The following SLC43A2 variants were observed in gnomAD, a reference collection of about 807,000 sequenced individuals.
SLC43A2 encodes the protein solute carrier family 43 member 2.
In SLC43A2, 38 loss-of-function variants were observed where a neutral mutation model predicts 63.2. The observed-to-expected ratio is 0.60, with a 90% confidence interval of 0.46 to 0.79. The LOEUF is 0.79. SLC43A2 is among the 30% of genes least tolerant of loss of function. SLC43A2 has a pLI of 0.00. For synonymous variants in SLC43A2, 322 were observed against 331.0 expected (o/e 0.97, Z 0.30); for missense variants, 644 against 756.2 (o/e 0.85, Z 1.74).
At chr17:1,594,590 C>CT (rs59369068) in intron 5 of SLC43A2, among the ~76,000 whole-genome samples, 2 of 105,604 alleles carry the variant, frequency 1.9e-5, no homozygotes, top group South Asian at 3.3e-4. Context: ...TTCTTTCTTT[C>CT]TTTTTTTTTT....
At position 1,583,282 on chromosome 17, in the gene SLC43A2, G is replaced by T; in HGVS notation, c.1272C>A (p.Ala424=). ...RDRQIQKITN[A]MRAFAFTNLL... ...GGTTGGTGAAGGCGAAGGCCCGCAT[G>T]GCATTAGTGATCTTCTGGATCTGCC... The change falls in exon 11 of 14, where the codon GCC becomes GCA. Residue 424 remains alanine (A), a synonymous_variant. Coordinates refer to ENST00000301335, the MANE Select transcript of SLC43A2 (RefSeq NM_152346.3). The surrounding 1 kb of genome is among the most constrained non-coding windows in gnomAD (Gnocchi z 5.5). The T allele has an allele frequency of 6.2e-7, 1 of 1,614,176 alleles. No individual in the cohort carries two copies. Among genetic ancestry groups the T allele is most frequent in the Non-Finnish European group, 8.5e-7 (1 of 1,180,016 alleles).
chr17:1,606,804 C>T lies in SLC43A2; in HGVS notation c.501+6391G>A, dbSNP rs1022363418. ...TGGCGTCCGCCCTCCACGGATGGCA[C>T]GCGATGGCCCAGGCCCTGTGCTGCA... On this transcript the variant is annotated intron_variant, in intron 5 of 13. Transcript: ENST00000301335. This position sits in a 1 kb window ranked among gnomAD's most constrained non-coding sequence, Gnocchi z 4.7. Among the ~76,000 whole-genome samples, 3 of 152,232 alleles carry T rather than the reference C, an allele frequency of 2.0e-5. No individual in the cohort carries two copies. Among genetic ancestry groups the T allele is most frequent in the Admixed American group, 6.5e-5 (1 of 15,290 alleles).
Position 1,575,284 on chromosome 17 carries a change from A to G in SLC43A2, c.*320T>C. The G allele has an allele frequency of 2.2e-6, 1 of 446,260 alleles. No homozygotes were observed. The highest frequency in any genetic ancestry group is 4.1e-6 in the Non-Finnish European group (1 of 244,444). The allele number at this position is 446,260 out of a possible 1,614,324, so 27.6% of individuals were successfully genotyped here. On this transcript the variant is annotated 3_prime_UTR_variant, in exon 14 of 14. Transcript: ENST00000301335. Reference sequence around the variant, plus strand: ...TGCTTTGGCAAGAGGCAGAATCCAGACACTGGCGGGAGAGCGCCTGCCTGC... The same window carrying G: ...TGCTTTGGCAAGAGGCAGAATCCAGGCACTGGCGGGAGAGCGCCTGCCTGC...
At chr17:1,604,634 G>T in intron 5 of SLC43A2, 2 of 1,226,410 alleles carry the variant, frequency 1.6e-6, no homozygotes, top group South Asian at 1.4e-5. Context: ...TCAGCCTCCT[G>T]AGCAGCTGAG....
At chr17:1,628,572 C>A (rs1029857905) in intron 1 of SLC43A2, among the ~76,000 whole-genome samples, 3 of 152,192 alleles carry the variant, frequency 2.0e-5, no homozygotes, top group Non-Finnish European at 4.4e-5. Context: ...AGCCGCGCGA[C>A]CCCCATCTCG....
chr17:1,596,170 A>G (rs1012256673), intron 5 of SLC43A2, among the ~76,000 whole-genome samples: 2 of 151,966 alleles, frequency 1.3e-5, no homozygotes, highest in African/African-American at 4.8e-5. Context: ...AATACAAAAA[A>G]TTAGCCGGGC....
chr17:1,609,391 G>T (rs575105052), intron 5 of SLC43A2, among the ~76,000 whole-genome samples: 2 of 151,962 alleles, frequency 1.3e-5, no homozygotes, highest in Admixed American at 1.3e-4. Context: ...TAGTAGAGAC[G>T]GGGTTTCACC....
chr17:1,627,620 G>T, intron 2 of SLC43A2, 95 bp downstream of exon 2: 1 of 984,060 alleles, frequency 1.0e-6, no homozygotes, highest in Non-Finnish European at 1.4e-6. Context: ...ACTGGGCAAT[G>T]CGGTGCTGTG....
chr17:1,576,865 T>G, intron 12 of SLC43A2, 145 bp from the exon 13 acceptor site: 3 of 332,376 alleles, frequency 9.0e-6, no homozygotes, highest in Non-Finnish European at 1.2e-5. Context: ...GCAGTTCTGT[T>G]TTTTTTTTTT....
Position 1,577,234 on chromosome 17 carries a change from C to A in SLC43A2, c.1425-514G>T, listed in dbSNP as rs2075948189. ...GCCCCAGACTCTGGGGAGGGCCCAC[C>A]CCACTCAGCTGTGCCCAGGGCCTGT... On this transcript the variant is annotated intron_variant, in intron 12 of 13. Coordinates refer to ENST00000301335, the MANE Select transcript of SLC43A2 (RefSeq NM_152346.3). The surrounding 1 kb of genome is among the most constrained non-coding windows in gnomAD (Gnocchi z 4.9). Among the ~76,000 whole-genome samples, 1 of 152,214 alleles carries A rather than the reference C, an allele frequency of 6.6e-6. No individual in the cohort carries two copies.
At position 1,583,461 on chromosome 17, in the gene SLC43A2, C is replaced by T. The variant is rs746578009; in HGVS notation, c.1218-125G>A. The T allele has an allele frequency of 1.1e-5, 16 of 1,499,754 alleles. No individual in the cohort carries two copies. The highest frequency in any genetic ancestry group is 1.4e-5 in the African/African-American group (1 of 72,610). The allele number at this position is 1,499,754 out of a possible 1,614,324, so 92.9% of individuals were successfully genotyped here. Reference sequence around the variant, plus strand: ...GCAAGACTCAGAAGCCACCCAGGCACGTTTTAGGGACTGTGTCGGGGCTGG... The same window carrying T: ...GCAAGACTCAGAAGCCACCCAGGCATGTTTTAGGGACTGTGTCGGGGCTGG... On this transcript the variant is annotated intron_variant, in intron 10 of 13. Transcript: ENST00000301335. This position sits in a 1 kb window ranked among gnomAD's most constrained non-coding sequence, Gnocchi z 5.5.
At chr17:1,591,817 G>A (rs1036261877) in intron 6 of SLC43A2, 118 bp from the exon 7 acceptor site, 10 of 770,754 alleles carry the variant, frequency 1.3e-5, no homozygotes, top group African/African-American at 8.7e-5. Context: ...GCTGAGCCGC[G>A]CAAAGAGGCA....
Position 1,574,325 on chromosome 17 carries a change from A to G in SLC43A2, c.*1279T>C, listed in dbSNP as rs6502793. The G allele has an allele frequency of 0.46, 70,110 of 152,398 alleles. 17,492 individuals carry two copies. The highest frequency in any genetic ancestry group is 0.64 in the African/African-American group (26,693 of 41,452). The allele number at this position is 152,398 out of a possible 1,614,324, so 9.4% of individuals were successfully genotyped here. On this transcript the variant is annotated 3_prime_UTR_variant, in exon 14 of 14. Coordinates refer to ENST00000301335, the MANE Select transcript of SLC43A2 (RefSeq NM_152346.3). ...GGCTGGAGCTGGTCGGTGGCAGAGA[A>G]TCTTGTCCTGCCTTTTCTTCTCAAG...
In SLC43A2 at chr17:1,577,494, A is replaced by G. The variant is rs1567606832; in HGVS notation, c.1424+756T>C. Among the ~76,000 whole-genome samples, 1 of 152,166 alleles carries G rather than the reference A, an allele frequency of 6.6e-6. No homozygotes were observed. The highest frequency in any genetic ancestry group is 2.4e-5 in the African/African-American group (1 of 41,440). ...GGAGGGGCAGGCGGAGGGCAAGCGG[A>G]GCTGGGATTACCCCAGGGGCTGTTG... On this transcript the variant is annotated intron_variant, in intron 12 of 13. Transcript: ENST00000301335. The surrounding 1 kb of genome is among the most constrained non-coding windows in gnomAD (Gnocchi z 4.9).
At chr17:1,614,735 T>C (rs1228370285) in intron 4 of SLC43A2, among the ~76,000 whole-genome samples, 2 of 152,176 alleles carry the variant, frequency 1.3e-5, no homozygotes, top group African/African-American at 2.4e-5. Flanking sequence ...AGTGAGGGAC[T>C]GGCTTGGTTT....
rs1906469915 is a variant in SLC43A2 at position 1,605,059 on chromosome 17, T to C, written c.501+8136A>G. On this transcript the variant is annotated intron_variant, in intron 5 of 13. Coordinates refer to ENST00000301335, the MANE Select transcript of SLC43A2 (RefSeq NM_152346.3). This position sits in a 1 kb window ranked among gnomAD's most constrained non-coding sequence, Gnocchi z 4.9. ...TGCCAAGCAGGAAGCCGGAGCTGTT[T>C]CCTGACTCACCACCACACTCACAGG... 27 of 1,406,024 alleles carry C rather than the reference T, an allele frequency of 1.9e-5. No individual in the cohort carries two copies. Among genetic ancestry groups the C allele is most frequent in the Non-Finnish European group, 2.5e-5 (27 of 1,080,492 alleles). The allele number at this position is 1,406,024 out of a possible 1,614,324, so 87.1% of individuals were successfully genotyped here.
chr17:1,576,770 T>G (rs1172940563), intron 12 of SLC43A2, 50 bp from the exon 13 acceptor site: 2 of 1,590,284 alleles, frequency 1.3e-6, no homozygotes, highest in Admixed American at 1.8e-5. Flanking sequence ...GGGCTTTGCT[T>G]GGCCCCAGGT....
rs200230290 is a variant in SLC43A2 at position 1,625,163 on chromosome 17, C to G, written c.160+2552G>C. Among the ~76,000 whole-genome samples, 11 of 152,268 alleles carry G rather than the reference C, an allele frequency of 7.2e-5. No individual in the cohort carries two copies. In the East Asian group the frequency reaches 1.9e-3, roughly 27 times the overall value. On this transcript the variant is annotated intron_variant, in intron 2 of 13. Transcript: ENST00000301335. Reference sequence around the variant, plus strand: ...GAGGACGTTGTGCAAAACCCATTGCCAACTTCCCGCACCCAGGTCCCCAAA... The same window carrying G: ...GAGGACGTTGTGCAAAACCCATTGCGAACTTCCCGCACCCAGGTCCCCAAA...
chr17:1,583,208 AG>A lies in SLC43A2; in HGVS notation c.1345del (p.Leu449SerfsTer42). On this transcript the variant is annotated frameshift_variant, in exon 11 of 14. Transcript: ENST00000301335. LOFTEE classifies it high-confidence loss of function. This position sits in a 1 kb window ranked among gnomAD's most constrained non-coding sequence, Gnocchi z 5.5. Reference sequence around the variant, plus strand: ...CCTCCCACTCCCCACACCCACCTGGAGAGGCAGGTTGGGAATGAGGCAGGTC... The same window carrying A: ...CCTCCCACTCCCCACACCCACCTGGAAGGCAGGTTGGGAATGAGGCAGGTC... ...GVTCLIPNLPLQILSFILHTI... is the reference protein window; with the variant it reads ...GVTCLIPNLPXQILSFILHTI... 6.2e-7 allele frequency: 1 copy of A among 1,613,904 alleles called. No homozygotes were observed. The highest frequency in any genetic ancestry group is 8.5e-7 in the Non-Finnish European group (1 of 1,179,870).
Sources: allele counts gnomAD v4.1 joint callset (sites outside exome capture counted in the v4.1 genomes callset), GRCh38; gene constraint gnomAD v4.1.1; non-coding constraint Gnocchi (gnomAD v3.1); transcripts MANE v1.5; gene names NCBI Gene and HGNC (gene_info 2026-07-23, HGNC 2026-07-21).